The following TRPM3 variants were observed in gnomAD, a reference collection of about 807,000 sequenced individuals.
TRPM3 encodes long transient receptor potential channel 3.
Under a neutral mutation model 181.2 loss-of-function variants are expected in TRPM3, and 77 were observed. That is an observed-to-expected ratio of 0.42 (90% CI 0.35 to 0.51). The LOEUF is 0.51. Among genes scored for constraint, TRPM3 ranks in the 20% least tolerant of loss-of-function variants. TRPM3 has a pLI of 0.01. For synonymous variants in TRPM3, 745 were observed against 796.4 expected (o/e 0.94, Z 1.09); for missense variants, 1,759 against 2,196.7 (o/e 0.80, Z 3.98).
At chr9:70,994,539 A>G (rs929070169) in intron 1 of TRPM3, among the ~76,000 whole-genome samples, 1 of 151,696 alleles carries the variant, frequency 6.6e-6, no homozygotes, top group South Asian at 2.1e-4. Flanking sequence ...AAGTTAACCT[A>G]TGTGGTTTCC....
At chr9:70,616,879 A>G (rs548550407) in intron 17 of TRPM3, among the ~76,000 whole-genome samples, 7 of 152,280 alleles carry the variant, frequency 4.6e-5, no homozygotes, top group Non-Finnish European at 4.4e-5. Context: ...AGAATGAACA[A>G]GTGTGTTTCT....
intron 1 of TRPM3, among the ~76,000 whole-genome samples, chr9:71,283,497 G>T (rs990868466): frequency 6.6e-6 from 1 of 151,974 alleles, no homozygotes; most frequent in South Asian, 2.1e-4. Context: ...GTAGAGATGG[G>T]GTTTCACCGT....
At chr9:71,344,799 C>T (rs765412725) in intron 1 of TRPM3, among the ~76,000 whole-genome samples, 4 of 152,064 alleles carry the variant, frequency 2.6e-5, no homozygotes, top group Non-Finnish European at 4.4e-5. Flanking sequence ...AAAAGCAAGC[C>T]ACAGCCTGGA....
chr9:70,813,600 G>T (rs116656706), intron 6 of TRPM3, among the ~76,000 whole-genome samples: 1,677 of 152,174 alleles, frequency 0.011, 30 homozygotes, highest in African/African-American at 0.038. Context: ...CCAAACCTCA[G>T]CATCATGCAA....
rs76412441 is a variant in TRPM3 at position 70,542,799 on chromosome 9, C to T, written c.3708-5394G>A. 6.5e-3 allele frequency among the ~76,000 whole-genome samples: 994 copies of T among 152,250 alleles called. 29 individuals carry two copies. The East Asian group carries it at 0.098, about 15-fold the overall frequency. ...TGTAGGATGAGGGCAAAAGCAATCCCGTATTGCATGAACTCTATCCTGTTG... is the reference window on the plus strand; with the variant it reads ...TGTAGGATGAGGGCAAAAGCAATCCTGTATTGCATGAACTCTATCCTGTTG... On this transcript the variant is annotated intron_variant, in intron 25 of 25. Coordinates refer to ENST00000677713, the MANE Select transcript of TRPM3 (RefSeq NM_001366145.2).
At chr9:70,782,793 T>A (rs138251253) in intron 7 of TRPM3, among the ~76,000 whole-genome samples, 2 of 151,946 alleles carry the variant, frequency 1.3e-5, no homozygotes. Flanking sequence ...ATTATTATTA[T>A]TTTTTGGTTT....
At chr9:71,032,086 TATA>T (rs2057533421) in intron 1 of TRPM3, among the ~76,000 whole-genome samples, 1 of 1,496 alleles carries the variant, frequency 6.7e-4, no homozygotes, top group South Asian at 0.018. Flanking sequence ...ATTATATATA[TATA>T]ATTATATAAT....
chr9:70,952,813 C>T (rs554649833), intron 1 of TRPM3, among the ~76,000 whole-genome samples: 23 of 152,038 alleles, frequency 1.5e-4, no homozygotes, highest in East Asian at 5.8e-4. Flanking sequence ...TAATAATGCA[C>T]GTGAAATATT....
At chr9:70,828,137 G>C in intron 5 of TRPM3, 119 bp from the exon 6 acceptor site, 1 of 1,027,280 alleles carries the variant, frequency 9.7e-7, no homozygotes, top group Non-Finnish European at 1.4e-6. Context: ...TACAGTGAAA[G>C]TACAGTCTAC....
chr9:70,969,585 C>T (rs1414369762), intron 1 of TRPM3, among the ~76,000 whole-genome samples: 3 of 146,372 alleles, frequency 2.0e-5, no homozygotes, highest in African/African-American at 8.2e-5. Context: ...ACTTCTTAGG[C>T]TTTATAGTGA....
intron 1 of TRPM3, among the ~76,000 whole-genome samples, chr9:71,366,440 T>A (rs545174582): frequency 6.6e-6 from 1 of 152,024 alleles, no homozygotes; most frequent in South Asian, 2.1e-4. Flanking sequence ...ACAGCCAGGG[T>A]CTCATAGCCT....
At chr9:70,538,405 A>G (rs2042348734) in intron 25 of TRPM3, among the ~76,000 whole-genome samples, 1 of 152,084 alleles carries the variant, frequency 6.6e-6, no homozygotes, top group Non-Finnish European at 1.5e-5. Flanking sequence ...TGCTGGGATT[A>G]CAGGCGTAAG....
intron 1 of TRPM3, among the ~76,000 whole-genome samples, chr9:71,165,550 C>T (rs960946499): frequency 6.6e-6 from 1 of 152,068 alleles, no homozygotes; most frequent in Non-Finnish European, 1.5e-5. Flanking sequence ...CAGGAGTGTT[C>T]CTCTTCTCAA....
intron 1 of TRPM3, among the ~76,000 whole-genome samples, chr9:71,182,461 C>T (rs2077458345): frequency 6.6e-6 from 1 of 152,036 alleles, no homozygotes; most frequent in African/African-American, 2.4e-5. Flanking sequence ...CTGACAATTT[C>T]CTTTTCTTCC....
At chr9:71,051,866 TCA>T (rs1428330938) in intron 1 of TRPM3, among the ~76,000 whole-genome samples, 1 of 152,028 alleles carries the variant, frequency 6.6e-6, no homozygotes, top group Non-Finnish European at 1.5e-5. Context: ...AATAGCCCAG[TCA>T]GAGGGAAAGG....
At chr9:70,695,654 C>T (rs1772216836) in intron 8 of TRPM3, among the ~76,000 whole-genome samples, 1 of 152,216 alleles carries the variant, frequency 6.6e-6, no homozygotes, top group Non-Finnish European at 1.5e-5. Context: ...TATCACAGCA[C>T]AAACGATACC....
intron 1 of TRPM3, among the ~76,000 whole-genome samples, chr9:71,206,657 G>T (rs1211235988): frequency 6.6e-6 from 1 of 152,026 alleles, no homozygotes; most frequent in East Asian, 1.9e-4. Flanking sequence ...TGAAGACTTT[G>T]CTCATGCCTA....
In TRPM3 at chr9:70,598,540, G is replaced by A. The variant is rs1490724878; in HGVS notation, c.2927C>T (p.Pro976Leu). 5 of 1,614,072 alleles carry A rather than the reference G, an allele frequency of 3.1e-6. No homozygotes were observed. Among genetic ancestry groups the A allele is most frequent in the African/African-American group, 2.7e-5 (2 of 74,910 alleles). The change falls in exon 21 of 26, where the codon CCC becomes CTC. Residue 976 changes from proline to leucine, a missense_variant. By Grantham distance (98) the Pro-to-Leu change is moderately conservative. Around this residue, in one of 8 missense-constraint regions of TRPM3, gnomAD observed 100 missense variants for 123.0 expected, o/e 0.81. Coordinates refer to ENST00000677713, the MANE Select transcript of TRPM3 (RefSeq NM_001366145.2). ...GATGACCCTCCCGTCACTCCTGAAG[G>A]GCTGGTCTTGGAGACGAAGGATCAT... The part of the protein sequence containing the change: ...VGMILRLQDQ[P>L]FRSDGRVIYC...
At chr9:70,925,297 A>G (rs1455873572) in intron 1 of TRPM3, among the ~76,000 whole-genome samples, 2 of 152,200 alleles carry the variant, frequency 1.3e-5, no homozygotes, top group Non-Finnish European at 2.9e-5. Flanking sequence ...GTATTGATGG[A>G]AACAATGTGT....
Sources: allele counts gnomAD v4.1 joint callset (sites outside exome capture counted in the v4.1 genomes callset), GRCh38; gene constraint gnomAD v4.1.1; regional missense constraint gnomAD v4.1.1; transcripts MANE v1.5; gene names NCBI Gene and HGNC (gene_info 2026-07-23, HGNC 2026-07-21).